RADIL: variants seen among roughly 807,000 people sequenced by gnomAD.
The protein encoded by RADIL is ras-associating and dilute domain-containing protein.
RADIL carries 99 observed loss-of-function variants against 97.6 expected under a neutral mutation model. That is an observed-to-expected ratio of 1.01 (90% CI 0.86 to 1.20). The LOEUF (loss-of-function observed/expected upper bound fraction) is 1.20, where lower values mean the gene tolerates loss of function less well. RADIL is among the 50% of genes most tolerant of loss of function. The probability of loss-of-function intolerance (pLI) is 0.00; values close to 1 mark genes in which losing one functional copy is unlikely to be tolerated. For missense variants in RADIL, 1,765 were observed against 1,498.9 expected, an observed-to-expected ratio of 1.18 and a Z score of -2.93; for synonymous variants, 803 against 691.8, an observed-to-expected ratio of 1.16 and a Z score of -2.52.
Position 4,835,212 on chromosome 7 carries a change from C to G in RADIL, c.811G>C (p.Asp271His). The change falls in exon 4 of 15, where the codon GAC becomes CAC. Residue 271 changes from aspartate (D) to histidine (H), a missense_variant. By Grantham distance (81) the Asp-to-His change is moderately conservative (BLOSUM62 -1). Coordinates refer to ENST00000399583, the MANE Select transcript of RADIL (RefSeq NM_018059.5). This position sits in a 1 kb window ranked among gnomAD's most constrained non-coding sequence, Gnocchi z 5.8. ...GTCCGCTGGCCCACCGTGTGCCGGTCCCGGTTGAGCACATACACCAGGCTG... is the reference window on the plus strand; with the variant it reads ...GTCCGCTGGCCCACCGTGTGCCGGTGCCGGTTGAGCACATACACCAGGCTG... ...HDSLVYVLNR[D>H]RHTVGQRTPS... 1 of 1,611,152 alleles carries G rather than the reference C, an allele frequency of 6.2e-7. No homozygotes were observed. Among genetic ancestry groups the G allele is most frequent in the Non-Finnish European group, 8.5e-7 (1 of 1,179,874 alleles).
intron 11 of RADIL, among the ~76,000 whole-genome samples, chr7:4,802,793 C>A (rs184557387): frequency 1.0e-5 from 1 of 96,978 alleles, no homozygotes; most frequent in Non-Finnish European, 2.0e-5. Flanking sequence ...CCTCCCCAGA[C>A]ACCTCGGGTC....
intron 1 of RADIL, chr7:4,882,233 C>G (rs1306836738): frequency 6.6e-6 from 1 of 152,248 alleles, no homozygotes; most frequent in Non-Finnish European, 1.5e-5. Flanking sequence ...CGGAGCCTGG[C>G]CTGTTTGTGA....
chr7:4,858,340 A>C (rs889423861), intron 2 of RADIL: 2 of 152,186 alleles, frequency 1.3e-5, no homozygotes, highest in African/African-American at 4.8e-5. Flanking sequence ...AGATTAAGAA[A>C]GACTCAACTT....
rs1239842750 is a variant in RADIL, at chr7:4,840,637, A to G, written c.536-4032T>C. Among the ~76,000 whole-genome samples the G allele has an allele frequency of 6.6e-6, 1 of 152,202 alleles. No individual in the cohort carries two copies. Among genetic ancestry groups the G allele is most frequent in the Non-Finnish European group, 1.5e-5 (1 of 68,032 alleles). On this transcript the variant is annotated intron_variant, in intron 2 of 14. Coordinates refer to ENST00000399583, the MANE Select transcript of RADIL (RefSeq NM_018059.5). The surrounding 1 kb of genome is among the most constrained non-coding windows in gnomAD (Gnocchi z 5.6). The stretch of plus-strand genomic sequence containing the variant: ...ATGCTACCAATGGGAGATTCCGCCA[A>G]CATGAAATAAGTTCAGTGAGAAATA...
chr7:4,866,272 C>T (rs937044585), intron 2 of RADIL, among the ~76,000 whole-genome samples: 3 of 152,188 alleles, frequency 2.0e-5, no homozygotes, highest in Non-Finnish European at 2.9e-5. Context: ...GCTTGGATTA[C>T]AGGCATGAAC....
chr7:4,840,503 A>G lies in RADIL; in HGVS notation c.536-3898T>C, dbSNP rs2115008786. On this transcript the variant is annotated intron_variant, in intron 2 of 14. Transcript: ENST00000399583. This position sits in a 1 kb window ranked among gnomAD's most constrained non-coding sequence, Gnocchi z 5.6. ...TCAAGGCCCTCAGACCCGGCAGCACACTGCTCAGGAAGGGTAGGCCAGGGC... is the reference window on the plus strand; with the variant it reads ...TCAAGGCCCTCAGACCCGGCAGCACGCTGCTCAGGAAGGGTAGGCCAGGGC... Among the ~76,000 whole-genome samples, 1 of 152,272 alleles carries G rather than the reference A, an allele frequency of 6.6e-6. No individual in the cohort carries two copies. Among genetic ancestry groups the G allele is most frequent in the South Asian group, 2.1e-4 (1 of 4,822 alleles).
intron 5 of RADIL, among the ~76,000 whole-genome samples, chr7:4,826,385 A>T (rs1223096384): frequency 6.6e-6 from 1 of 152,140 alleles, no homozygotes; most frequent in African/African-American, 2.4e-5. Flanking sequence ...GAAGATATTA[A>T]TATTTTCAGA....
Position 4,801,816 on chromosome 7 carries a change from G to T in RADIL, c.2679C>A (p.Gly893=). The part of the protein sequence containing the change: ...RQPSRGGSQA[G]PPHTDSSCLL... ...AGCAGGACGAGTCCGTGTGCGGGGG[G>T]CCAGCCTGGGAGCCCCCACGGCTGG... The change falls in exon 12 of 15, where the codon GGC becomes GGA. Residue 893 remains glycine, a synonymous_variant. Transcript: ENST00000399583. 1 of 1,607,610 alleles carries T rather than the reference G, an allele frequency of 6.2e-7. No individual in the cohort carries two copies. Among genetic ancestry groups the T allele is most frequent in the Non-Finnish European group, 8.5e-7 (1 of 1,177,912 alleles).
chr7:4,817,946 C>G lies in RADIL; in HGVS notation c.1616-595G>C, dbSNP rs1022208456. The stretch of plus-strand genomic sequence containing the variant: ...GTGGGAGGCCCCCAACAGGGTGGAG[C>G]CTTCCCCGGGGGCTTCCAGAAAGTG... On this transcript the variant is annotated intron_variant, in intron 6 of 14. Transcript: ENST00000399583. The surrounding 1 kb of genome is among the most constrained non-coding windows in gnomAD (Gnocchi z 8.3). Among the ~76,000 whole-genome samples the G allele has an allele frequency of 4.4e-4, 67 of 152,190 alleles. 2 individuals carry two copies. Among genetic ancestry groups the G allele is most frequent in the Non-Finnish European group, 4.4e-5 (3 of 68,024 alleles).
intron 10 of RADIL, 163 bp downstream of exon 10, chr7:4,805,403 G>C: frequency 1.3e-6 from 1 of 756,468 alleles, no homozygotes; most frequent in Non-Finnish European, 1.8e-6. Context: ...TGGGGATGGG[G>C]CGGGGCGGGG....
At chr7:4,855,969 T>A (rs1783819038) in intron 2 of RADIL, among the ~76,000 whole-genome samples, 1 of 152,080 alleles carries the variant, frequency 6.6e-6, no homozygotes. Context: ...CGAATTTTTG[T>A]ATTTTTAGTA....
rs764655784 is a variant in RADIL, at chr7:4,816,365, C to T, written c.1829G>A (p.Arg610His). 1.1e-5 allele frequency: 18 copies of T among 1,610,844 alleles called. No individual in the cohort carries two copies. Among genetic ancestry groups the T allele is most frequent in the Non-Finnish European group, 1.4e-5 (16 of 1,179,190 alleles). ...SSAPELPEELRRVVSVYQAAL... is the reference protein window; with the variant it reads ...SSAPELPEELHRVVSVYQAAL... ...TGCCTGGTACACAGACACCACGCGG[C>T]GCAGCTCCTCGGGCAGTTCGGGGGC... Residue 610 changes from arginine to histidine, a missense_variant, in exon 8 of 15, where the codon CGC (arginine) becomes CAC (histidine). Coordinates refer to ENST00000399583, the MANE Select transcript of RADIL (RefSeq NM_018059.5).
In RADIL at chr7:4,826,727, C is replaced by T. The variant is rs558825445; in HGVS notation, c.1455-4173G>A. The stretch of plus-strand genomic sequence containing the variant: ...CAGCTTGGGCAACAGAGCGAGACTC[C>T]GTCTCAAAAAAAAAAAACAAAAAAA... On this transcript the variant is annotated intron_variant, in intron 5 of 14. Coordinates refer to ENST00000399583, the MANE Select transcript of RADIL (RefSeq NM_018059.5). 1.6e-4 allele frequency among the ~76,000 whole-genome samples: 22 copies of T among 138,878 alleles called. No individual in the cohort carries two copies. The East Asian group carries it at 4.1e-3, about 26-fold the overall frequency. The allele number at this position is 138,878 out of a possible 152,430, so 91.1% of individuals were successfully genotyped here. A position where few individuals can be genotyped will look rare whatever the true frequency, so the allele number is the denominator to read the frequency against.
chr7:4,809,424 A>G, intron 9 of RADIL: 1 of 985,422 alleles, frequency 1.0e-6, no homozygotes, highest in Non-Finnish European at 1.2e-6. Flanking sequence ...CTTTCCGTGC[A>G]CACAGGAAAC....
Position 4,822,589 on chromosome 7 carries a change from A to AC in RADIL, c.1455-36dup. 6.2e-7 allele frequency: 1 copy of AC among 1,600,918 alleles called. No individual in the cohort carries two copies. The highest frequency in any genetic ancestry group is 8.5e-7 in the Non-Finnish European group (1 of 1,174,794). On this transcript the variant is annotated intron_variant, in intron 5 of 14. Transcript: ENST00000399583. The surrounding 1 kb of genome is among the most constrained non-coding windows in gnomAD (Gnocchi z 5.3). ...CAGAAAGACTAAGAGTTACGCGGGG[A>AC]CCCGACCCTCAGGAGGCTGAATCTA...
At position 4,877,880 on chromosome 7, in the gene RADIL, G is replaced by C; in HGVS notation, c.260C>G (p.Ser87Cys). 2 of 1,605,598 alleles carry C rather than the reference G, an allele frequency of 1.2e-6. No individual in the cohort carries two copies. The highest frequency in any genetic ancestry group is 1.7e-6 in the Non-Finnish European group (2 of 1,179,968). ...CTCCTTCACCAGCTCACGGGCGCTG[G>C]AGGTGCCGGTGGCCAGGACGCTCTT... ...HYKSVLATGTSSARELVKEAL... is the reference protein window; with the variant it reads ...HYKSVLATGTCSARELVKEAL... The change falls in exon 2 of 15, where the codon TCC becomes TGC. Residue 87 changes from serine to cysteine, a missense_variant. Physicochemically the swap from Ser to Cys is moderately radical, Grantham distance 112 (BLOSUM62 -1). Coordinates refer to ENST00000399583, the MANE Select transcript of RADIL (RefSeq NM_018059.5).
chr7:4,871,424 C>CCGCACACCCCTGGCTGTCAT (rs1784252016), intron 2 of RADIL, among the ~76,000 whole-genome samples: 1 of 152,240 alleles, frequency 6.6e-6, no homozygotes, highest in African/African-American at 2.4e-5. Context: ...TCCCTGCGGC[C>CCGCACACCCCTGGCTGTCAT]CGCACACCCC....
intron 12 of RADIL, 45 bp downstream of exon 12, chr7:4,801,608 C>A (rs1383258734): frequency 4.5e-6 from 7 of 1,538,848 alleles, no homozygotes; most frequent in Middle Eastern, 2.3e-4. Flanking sequence ...GGGTGCTGTG[C>A]GGGGTCTGGG....
rs768352626 is a variant in RADIL, at chr7:4,824,875, T to G, written c.1455-2321A>C. On this transcript the variant is annotated intron_variant, in intron 5 of 14. Coordinates refer to ENST00000399583, the MANE Select transcript of RADIL (RefSeq NM_018059.5). The surrounding 1 kb of genome is among the most constrained non-coding windows in gnomAD (Gnocchi z 6.7). Reference sequence around the variant, plus strand: ...TCAAAATTTGCTGCCCTTCTCAATTTCACCGGAACCCGGAGGGTAGACAGG... The same window carrying G: ...TCAAAATTTGCTGCCCTTCTCAATTGCACCGGAACCCGGAGGGTAGACAGG... Among the ~76,000 whole-genome samples, 1 of 152,182 alleles carries G rather than the reference T, an allele frequency of 6.6e-6. No individual in the cohort carries two copies. Among genetic ancestry groups the G allele is most frequent in the African/African-American group, 2.4e-5 (1 of 41,442 alleles).
Sources: gnomAD v4.1 joint callset for allele counts (sites outside exome capture counted in the v4.1 genomes callset) on GRCh38, gnomAD v4.1.1 for gene constraint, Gnocchi (gnomAD v3.1) non-coding constraint, MANE v1.5 for transcripts, NCBI Gene and HGNC (gene_info 2026-07-23, HGNC 2026-07-21) for gene names.